The following ZNF700 variants were observed in gnomAD, a reference collection of about 807,000 sequenced individuals.
The protein encoded by ZNF700 is zinc finger protein 700.
ZNF700 carries 38 observed loss-of-function variants against 65.3 expected under a neutral mutation model. That is an observed-to-expected ratio of 0.58 (90% CI 0.45 to 0.76). The LOEUF is 0.76. Ranked by LOEUF, ZNF700 falls within the 30% of genes least tolerant of loss-of-function variation. ZNF700 has a pLI of 0.00. For synonymous variants in ZNF700, 285 were observed against 290.4 expected, an observed-to-expected ratio of 0.98 and a Z score of 0.19; for missense variants, 857 against 888.4, an observed-to-expected ratio of 0.96 and a Z score of 0.45.
At position 11,948,412 on chromosome 19, in the gene ZNF700, G is replaced by A. The variant is rs1248029672; in HGVS notation, c.388G>A (p.Val130Met). The change falls in exon 4 of 4, where the codon GTG becomes ATG. Residue 130 changes from valine (V) to methionine (M), a missense_variant. This residue lies in a region of ZNF700 where 603 missense variants were observed against 619.9 expected (regional missense o/e 0.97). Transcript: ENST00000254321. ...SPEVKSCDSFVCAEVGIGNSS... is the reference protein window; with the variant it reads ...SPEVKSCDSFMCAEVGIGNSS... ...TGAAGTAAAATCATGTGACAGCTTT[G>A]TGTGTGCAGAAGTTGGCATAGGTAA... 3 of 1,614,168 alleles carry A rather than the reference G, an allele frequency of 1.9e-6. No individual in the cohort carries two copies. The highest frequency in any genetic ancestry group is 4.5e-5 in the East Asian group (2 of 44,870).
At chr19:11,939,662 C>T (rs886918925) in intron 1 of ZNF700, among the ~76,000 whole-genome samples, 1 of 152,128 alleles carries the variant, frequency 6.6e-6, no homozygotes, top group Non-Finnish European at 1.5e-5. Flanking sequence ...AGTTCCACCA[C>T]GTTGGCCAGG....
At position 11,949,459 on chromosome 19, in the gene ZNF700, T is replaced by C. The variant is rs1973023631; in HGVS notation, c.1435T>C (p.Cys479Arg). 6 of 1,612,478 alleles carry C rather than the reference T, an allele frequency of 3.7e-6. No individual in the cohort carries two copies. The highest frequency in any genetic ancestry group is 4.2e-6 in the Non-Finnish European group (5 of 1,179,728). ...AGAGAAACCCTATGAATGTAAGGAA[T>C]GTGGGAAAGCCTTCAGATATGTGAA... ...TGEKPYECKE[C>R]GKAFRYVKHL... Residue 479 changes from cysteine (C) to arginine (R), a missense_variant, in exon 4 of 4, where the codon TGT becomes CGT. Transcript: ENST00000254321.
chr19:11,938,678 A>G (rs1218515602), intron 1 of ZNF700, among the ~76,000 whole-genome samples: 5 of 152,216 alleles, frequency 3.3e-5, no homozygotes, highest in East Asian at 1.9e-4. Flanking sequence ...TGGTGCCGCA[A>G]TAAACATACA....
chr19:11,940,493 C>T (rs758547462), intron 1 of ZNF700, among the ~76,000 whole-genome samples: 3 of 151,666 alleles, frequency 2.0e-5, no homozygotes, highest in South Asian at 2.1e-4. Context: ...TAAGGCAGCG[C>T]GTCTGGAGTT....
chr19:11,944,088 C>CTATT (rs1972924397), intron 1 of ZNF700, among the ~76,000 whole-genome samples: 1 of 152,276 alleles, frequency 6.6e-6, no homozygotes, highest in African/African-American at 2.4e-5. Context: ...GATCCACACT[C>CTATT]TATTACCTGG....
Position 11,950,432 on chromosome 19 carries a change from T to C in ZNF700, c.*179T>C. On this transcript the variant is annotated 3_prime_UTR_variant, in exon 4 of 4. Transcript: ENST00000254321. ...AAAGCCTTCATTCCTTTTACTTCTT[T>C]TCAATGTCATGAAAGGACTCACACG... 1 of 755,200 alleles carries C rather than the reference T, an allele frequency of 1.3e-6. No homozygotes were observed. Among genetic ancestry groups the C allele is most frequent in the Non-Finnish European group, 2.3e-6 (1 of 432,744 alleles). 46.8% of individuals were successfully genotyped at this position (755,200 alleles called of 1,614,324 possible).
chr19:11,932,489 A>AAGAGTTGC (rs1972728697), intron 1 of ZNF700, among the ~76,000 whole-genome samples: 1 of 148,558 alleles, frequency 6.7e-6, no homozygotes, highest in Admixed American at 6.6e-5. Context: ...AAATACATAA[A>AAGAGTTGC]AGAGTTGCAC....
intron 1 of ZNF700, among the ~76,000 whole-genome samples, chr19:11,926,068 T>G (rs1972622861): frequency 6.6e-6 from 1 of 151,096 alleles, no homozygotes; most frequent in Non-Finnish European, 1.5e-5. Flanking sequence ...TGTCTAAAGT[T>G]TGGAGGAGGT....
chr19:11,948,983 C>A lies in ZNF700; in HGVS notation c.959C>A (p.Ser320Tyr). Residue 320 changes from serine to tyrosine, a missense_variant, in exon 4 of 4, where the codon TCT becomes TAT. Transcript: ENST00000254321. ...GGAAAAGCATTTGCATATACCAGTTCTCTTCGTAGACATGAAAGGACCCAC... is the reference window on the plus strand; with the variant it reads ...GGAAAAGCATTTGCATATACCAGTTATCTTCGTAGACATGAAAGGACCCAC... Reference protein sequence around the residue: ...ECGKAFAYTSSLRRHERTHSG... With the variant: ...ECGKAFAYTSYLRRHERTHSG... The A allele has an allele frequency of 6.2e-7, 1 of 1,608,510 alleles. No individual in the cohort carries two copies. The highest frequency in any genetic ancestry group is 1.1e-5 in the South Asian group (1 of 89,614).
chr19:11,941,790 G>A (rs537023619), intron 1 of ZNF700, among the ~76,000 whole-genome samples: 8 of 152,370 alleles, frequency 5.3e-5, no homozygotes, highest in Admixed American at 5.2e-4. Context: ...GCCAAAGTGG[G>A]AGCCCAGGCA....
rs890501032 is a variant in ZNF700, at chr19:11,950,351, G to T, written c.*98G>T. The T allele has an allele frequency of 1.6e-6, 2 of 1,277,186 alleles. No individual in the cohort carries two copies. The highest frequency in any genetic ancestry group is 4.3e-5 in the Admixed American group (2 of 46,508). 79.1% of individuals were successfully genotyped at this position (1,277,186 alleles called of 1,614,324 possible). On this transcript the variant is annotated 3_prime_UTR_variant, in exon 4 of 4. Coordinates refer to ENST00000254321, the MANE Select transcript of ZNF700 (RefSeq NM_144566.3). The stretch of plus-strand genomic sequence containing the variant: ...ACTTTCACATTTTCCAGTTCTTTTC[G>T]ATATCATGAAAGGACTCACACTGGG...
At position 11,947,165 on chromosome 19, in the gene ZNF700, ATG is replaced by A. The variant is rs2145299502; in HGVS notation, c.64-13_64-12del. The A allele has an allele frequency of 1.9e-6, 3 of 1,612,668 alleles. No individual in the cohort carries two copies. Among genetic ancestry groups the A allele is most frequent in the Admixed American group, 1.7e-5 (1 of 59,442 alleles). On this transcript the variant is annotated splice_polypyrimidine_tract_variant and intron_variant, in intron 1 of 3. Transcript: ENST00000254321. The stretch of plus-strand genomic sequence containing the variant: ...CACTCTCACCCATCTTCCTCTACAC[ATG>A]TGAGATGTTTCAGGACCCAGTGGCC...
intron 1 of ZNF700, among the ~76,000 whole-genome samples, chr19:11,937,364 G>A (rs373611027): frequency 2.0e-5 from 3 of 152,276 alleles, no homozygotes; most frequent in African/African-American, 7.2e-5. Context: ...TTATTACAGA[G>A]ACGGGGTCTC....
Position 11,925,114 on chromosome 19 carries a change from T to C in ZNF700, c.-97T>C. 6.9e-7 allele frequency: 1 copy of C among 1,456,072 alleles called. No individual in the cohort carries two copies. Among genetic ancestry groups the C allele is most frequent in the Non-Finnish European group, 9.4e-7 (1 of 1,058,794 alleles). The allele number at this position is 1,456,072 out of a possible 1,614,324, so 90.2% of individuals were successfully genotyped here. ...AATGGAGGGGGTCGCTTTCCTCACC[T>C]TCCTCGCTGCGCGGGCGGCGGTTGG... On this transcript the variant is annotated 5_prime_UTR_variant, in exon 1 of 4. Transcript: ENST00000254321.
intron 1 of ZNF700, among the ~76,000 whole-genome samples, chr19:11,938,595 T>C (rs1972833844): frequency 1.3e-5 from 2 of 152,220 alleles, no homozygotes; most frequent in Non-Finnish European, 2.9e-5. Context: ...TAGTATTCCA[T>C]GTGTATATGT....
intron 1 of ZNF700, among the ~76,000 whole-genome samples, chr19:11,936,500 C>G (rs1248705029): frequency 1.3e-5 from 2 of 152,170 alleles, no homozygotes; most frequent in Non-Finnish European, 2.9e-5. Context: ...TGAGAAATGT[C>G]TGTTCATGTC....
intron 1 of ZNF700, among the ~76,000 whole-genome samples, chr19:11,926,261 T>A (rs1461459905): frequency 6.6e-6 from 1 of 152,228 alleles, no homozygotes; most frequent in Admixed American, 6.5e-5. Flanking sequence ...TATCTATTTT[T>A]ACATGAATGT....
chr19:11,927,979 G>A (rs1021179742), intron 1 of ZNF700, among the ~76,000 whole-genome samples: 1 of 152,000 alleles, frequency 6.6e-6, no homozygotes, highest in East Asian at 1.9e-4. Flanking sequence ...TTCCATAGAA[G>A]GCTGATGTAT....
chr19:11,938,235 A>AT (rs200212043), intron 1 of ZNF700, among the ~76,000 whole-genome samples: 11 of 151,438 alleles, frequency 7.3e-5, no homozygotes, highest in African/African-American at 1.2e-4. Flanking sequence ...CACCTGGCTG[A>AT]TTTTTTTTTA....
Sources: allele counts gnomAD v4.1 joint callset (sites outside exome capture counted in the v4.1 genomes callset), GRCh38; gene constraint gnomAD v4.1.1; regional missense constraint gnomAD v4.1.1; transcripts MANE v1.5; gene names NCBI Gene and HGNC (gene_info 2026-07-23, HGNC 2026-07-21).